Variants in PPP4R2 observed in about 807,000 individuals in gnomAD.
PPP4R2 encodes the protein protein phosphatase 4 regulatory subunit 2.
PPP4R2 carries 13 observed loss-of-function variants against 47.2 expected under a neutral mutation model. The ratio of observed to expected loss-of-function variants is 0.28; its 90% CI spans 0.18 to 0.44. PPP4R2 has a LOEUF of 0.44. Ranked by LOEUF, PPP4R2 falls within the 20% of genes least tolerant of loss-of-function variation. PPP4R2 has a pLI of 1.00. For missense variants in PPP4R2, 421 were observed against 491.2 expected, an observed-to-expected ratio of 0.86 and a Z score of 1.35; for synonymous variants, 151 against 163.3, an observed-to-expected ratio of 0.92 and a Z score of 0.57.
In PPP4R2 at chr3:73,065,801, T is replaced by G; in HGVS notation, c.*79T>G. On this transcript the variant is annotated 3_prime_UTR_variant, in exon 9 of 9. Coordinates refer to ENST00000356692, the MANE Select transcript of PPP4R2 (RefSeq NM_174907.4). ...TGTATAAAACTTTTGTGTAATAAAA[T>G]GGACCTTTAGTTTTACAAGAGAAGC... The G allele has an allele frequency of 1.1e-6, 1 of 945,042 alleles. No individual in the cohort carries two copies. The highest frequency in any genetic ancestry group is 1.6e-6 in the Non-Finnish European group (1 of 644,284). The allele number at this position is 945,042 out of a possible 1,614,324, so 58.5% of individuals were successfully genotyped here. A position where few individuals can be genotyped will look rare whatever the true frequency, so the allele number is the denominator to read the frequency against.
Position 73,024,491 on chromosome 3 carries a change from T to C in PPP4R2, c.117-22695T>C, listed in dbSNP as rs143463468. ...GTGGATCTTAAGGTGTTGGGTAGTC[T>C]GCTGGACTCAGTGTTTTAAATGGTT... On this transcript the variant is annotated intron_variant, in intron 2 of 8. Coordinates refer to ENST00000356692, the MANE Select transcript of PPP4R2 (RefSeq NM_174907.4). Among the ~76,000 whole-genome samples the C allele has an allele frequency of 3.9e-5, 6 of 152,330 alleles. No individual in the cohort carries two copies. In the East Asian group the frequency reaches 1.2e-3, roughly 29 times the overall value.
At chr3:73,050,400 T>C (rs1212684380) in intron 3 of PPP4R2, among the ~76,000 whole-genome samples, 1 of 151,932 alleles carries the variant, frequency 6.6e-6, no homozygotes, top group Non-Finnish European at 1.5e-5. Context: ...GTCTGTATTT[T>C]AATATATTGG....
At position 72,998,173 on chromosome 3, in the gene PPP4R2, T is replaced by C. The variant is rs771633435; in HGVS notation, c.116+15T>C. 16 of 1,567,992 alleles carry C rather than the reference T, an allele frequency of 1.0e-5. No individual in the cohort carries two copies. Among genetic ancestry groups the C allele is most frequent in the Middle Eastern group, 1.7e-4 (1 of 5,990 alleles). On this transcript the variant is annotated intron_variant, in intron 2 of 8. Coordinates refer to ENST00000356692, the MANE Select transcript of PPP4R2 (RefSeq NM_174907.4). ...GGAGAAACAATGTGAGTTGAAAACA[T>C]GCATTTGTCGTTATAGACCAGTGCA...
At chr3:73,020,293 T>TC (rs1949169155) in intron 2 of PPP4R2, among the ~76,000 whole-genome samples, 1 of 152,050 alleles carries the variant, frequency 6.6e-6, no homozygotes, top group Non-Finnish European at 1.5e-5. Context: ...GCTCAAGCAG[T>TC]CCTCCTGTCC....
At chr3:73,031,183 A>C (rs966555794) in intron 2 of PPP4R2, among the ~76,000 whole-genome samples, 1 of 152,214 alleles carries the variant, frequency 6.6e-6, no homozygotes, top group Non-Finnish European at 1.5e-5. Context: ...AAATGTAGCT[A>C]AGGTTTGACA....
Position 73,067,020 on chromosome 3 carries a change from T to C in PPP4R2, c.*1298T>C, listed in dbSNP as rs906377246. 3 of 152,308 alleles carry C rather than the reference T, an allele frequency of 2.0e-5. No individual in the cohort carries two copies. The highest frequency in any genetic ancestry group is 6.5e-5 in the Admixed American group (1 of 15,296). The allele number at this position is 152,308 out of a possible 1,614,324, so 9.4% of individuals were successfully genotyped here. Reference sequence around the variant, plus strand: ...CCAAATTTATACCTGTTTCTTCAGCTGTACCTTTTGATATTTAAAGTTTTT... The same window carrying C: ...CCAAATTTATACCTGTTTCTTCAGCCGTACCTTTTGATATTTAAAGTTTTT... On this transcript the variant is annotated 3_prime_UTR_variant, in exon 9 of 9. Transcript: ENST00000356692.
chr3:73,026,065 A>ATT (rs1702057403), intron 2 of PPP4R2, among the ~76,000 whole-genome samples: 2 of 152,150 alleles, frequency 1.3e-5, no homozygotes. Flanking sequence ...TGCTATTAGT[A>ATT]GTAGTCATGC....
chr3:73,019,690 TG>T (rs1401609297), intron 2 of PPP4R2, among the ~76,000 whole-genome samples: 1 of 152,214 alleles, frequency 6.6e-6, no homozygotes, highest in Non-Finnish European at 1.5e-5. Flanking sequence ...AGCTATTATT[TG>T]TAACTTTAGA....
intron 2 of PPP4R2, among the ~76,000 whole-genome samples, chr3:73,026,477 G>T (rs1333730476): frequency 7.3e-6 from 1 of 137,928 alleles, no homozygotes; most frequent in African/African-American, 2.8e-5. Flanking sequence ...TATAAAATTT[G>T]CCGTGCCATT....
chr3:73,025,308 G>A (rs1158620743), intron 2 of PPP4R2, among the ~76,000 whole-genome samples: 1 of 152,158 alleles, frequency 6.6e-6, no homozygotes, highest in Non-Finnish European at 1.5e-5. Context: ...CTGTGTCAGT[G>A]GGAATCACCT....
intron 2 of PPP4R2, among the ~76,000 whole-genome samples, chr3:73,006,348 G>A (rs1384598582): frequency 2.6e-5 from 4 of 151,732 alleles, no homozygotes; most frequent in African/African-American, 4.8e-5. Context: ...ACAGGCGCGC[G>A]CCACCATGCC....
chr3:73,064,908 A>T lies in PPP4R2; in HGVS notation c.695A>T (p.His232Leu). ...VSSVSPLKNK[H>L]PDEDAVEAEG... ...TCAGTGAGCCCTTTGAAAAATAAAC[A>T]TCCAGATGAAGATGCTGTGGAAGCT... The change falls in exon 8 of 9, where the codon CAT (histidine) becomes CTT (leucine). Residue 232 changes from histidine to leucine, a missense_variant. By Grantham distance (99) the His-to-Leu change is moderately conservative (BLOSUM62 -3). This residue lies in a region of PPP4R2 where 317 missense variants were observed against 287.5 expected (regional missense o/e 1.10). Coordinates refer to ENST00000356692, the MANE Select transcript of PPP4R2 (RefSeq NM_174907.4). 1.2e-6 allele frequency: 2 copies of T among 1,613,742 alleles called. No individual in the cohort carries two copies. Among genetic ancestry groups the T allele is most frequent in the Non-Finnish European group, 1.7e-6 (2 of 1,179,748 alleles).
chr3:73,062,857 G>C, intron 5 of PPP4R2: 1 of 1,613,754 alleles, frequency 6.2e-7, no homozygotes, highest in Non-Finnish European at 8.5e-7. Flanking sequence ...CTTCTATTTG[G>C]AGACTTTGAA....
chr3:73,015,798 C>T (rs776984442), intron 2 of PPP4R2: 11 of 445,182 alleles, frequency 2.5e-5, no homozygotes, highest in African/African-American at 6.1e-5. Context: ...CCACCATGCC[C>T]GATTAATTTT....
intron 1 of PPP4R2, 120 bp downstream of exon 1, chr3:72,997,191 G>C: frequency 1.4e-6 from 1 of 727,888 alleles, no homozygotes; most frequent in Non-Finnish European, 2.0e-6. Flanking sequence ...GTGCTTCCCG[G>C]GCTCCCATCC....
intron 2 of PPP4R2, among the ~76,000 whole-genome samples, chr3:73,038,544 T>C (rs1202355871): frequency 6.6e-6 from 1 of 151,924 alleles, no homozygotes; most frequent in African/African-American, 2.4e-5. Context: ...TACAGGTGCG[T>C]GCCACCAAGC....
At chr3:73,047,560 A>G (rs1333296785) in intron 3 of PPP4R2, among the ~76,000 whole-genome samples, 2 of 152,210 alleles carry the variant, frequency 1.3e-5, no homozygotes, top group East Asian at 3.8e-4. Flanking sequence ...CCACCTTTTT[A>G]TAGGTATCAG....
chr3:73,004,843 G>C (rs1399611385), intron 2 of PPP4R2, among the ~76,000 whole-genome samples: 1 of 98,650 alleles, frequency 1.0e-5, no homozygotes, highest in Admixed American at 9.3e-5. Flanking sequence ...ATACAGTGTG[G>C]GGTGTGTGTG....
At chr3:73,000,164 G>T (rs1175186523) in intron 2 of PPP4R2, among the ~76,000 whole-genome samples, 5 of 152,146 alleles carry the variant, frequency 3.3e-5, no homozygotes, top group African/African-American at 1.2e-4. Context: ...GGTCACTTGA[G>T]CTCAGGACAA....
Sources: gnomAD v4.1 joint callset for allele counts (sites outside exome capture counted in the v4.1 genomes callset) on GRCh38, gnomAD v4.1.1 for gene constraint, gnomAD v4.1.1 regional missense constraint, MANE v1.5 for transcripts, NCBI Gene and HGNC (gene_info 2026-07-23, HGNC 2026-07-21) for gene names.